The following ADGRB3 variants were observed in gnomAD, a reference collection of about 807,000 sequenced individuals.
ADGRB3 encodes the protein brain-specific angiogenesis inhibitor 3.
In ADGRB3, 37 loss-of-function variants were observed where a neutral mutation model predicts 193.4. The ratio of observed to expected loss-of-function variants is 0.19; its 90% CI spans 0.15 to 0.25. ADGRB3 has a LOEUF of 0.25. Ranked by LOEUF, ADGRB3 falls within the 10% of genes least tolerant of loss-of-function variation. ADGRB3 has a pLI of 1.00. For synonymous variants in ADGRB3, 690 were observed against 644.2 expected (o/e 1.07, Z -1.08); for missense variants, 1,637 against 1,852.9 (o/e 0.88, Z 2.14).
chr6:69,194,183 A>T (rs1561948440), intron 17 of ADGRB3, among the ~76,000 whole-genome samples: 2 of 152,092 alleles, frequency 1.3e-5, no homozygotes, highest in Non-Finnish European at 2.9e-5. Context: ...ATGTCATATG[A>T]TAGATGCTGA....
At chr6:68,774,141 T>C (rs1766692743) in intron 3 of ADGRB3, among the ~76,000 whole-genome samples, 1 of 114,822 alleles carries the variant, frequency 8.7e-6, no homozygotes, top group Non-Finnish European at 1.7e-5. Flanking sequence ...TAAAACTTAG[T>C]ATTTAAAATG....
At position 69,355,861 on chromosome 6, in the gene ADGRB3, G is replaced by T; in HGVS notation, c.3595+1G>T. On this transcript the variant is annotated splice_donor_variant, in intron 28 of 31. Transcript: ENST00000370598. LOFTEE classifies it high-confidence loss of function. Reference sequence around the variant, plus strand: ...GATGTAGACATTGCCTGTCGATCAGGTAAGAATATTTAGATTTTGAAATCT... The same window carrying T: ...GATGTAGACATTGCCTGTCGATCAGTTAAGAATATTTAGATTTTGAAATCT... 1 of 1,601,958 alleles carries T rather than the reference G, an allele frequency of 6.2e-7. No homozygotes were observed. The highest frequency in any genetic ancestry group is 8.5e-7 in the Non-Finnish European group (1 of 1,170,138).
chr6:68,715,109 G>A (rs1013361265), intron 3 of ADGRB3, among the ~76,000 whole-genome samples: 8 of 151,774 alleles, frequency 5.3e-5, no homozygotes, highest in Admixed American at 4.6e-4. Context: ...ATGGCAGAGG[G>A]CAGGTAGTAC....
At chr6:69,032,339 T>C (rs746741981) in intron 13 of ADGRB3, among the ~76,000 whole-genome samples, 41 of 152,240 alleles carry the variant, frequency 2.7e-4, no homozygotes, top group Non-Finnish European at 4.9e-4. Context: ...CTGATTTTTA[T>C]TGGTTTTGTA....
intron 16 of ADGRB3, among the ~76,000 whole-genome samples, chr6:69,063,534 G>C (rs1270418576): frequency 6.6e-6 from 1 of 151,998 alleles, no homozygotes; most frequent in African/African-American, 2.4e-5. Context: ...AAAAATTTAA[G>C]TTGCATGCCA....
intron 17 of ADGRB3, among the ~76,000 whole-genome samples, chr6:69,193,714 A>T (rs540031631): frequency 7.4e-5 from 11 of 148,570 alleles, no homozygotes; most frequent in Non-Finnish European, 9.0e-5. Context: ...TTGAATCTCA[A>T]TTTTTTTTTT....
intron 17 of ADGRB3, among the ~76,000 whole-genome samples, chr6:69,084,235 G>A (rs1424613337): frequency 6.6e-6 from 1 of 152,128 alleles, no homozygotes; most frequent in African/African-American, 2.4e-5. Context: ...TGCTTGAGAA[G>A]AGGTAGATAT....
intron 3 of ADGRB3, among the ~76,000 whole-genome samples, chr6:68,885,805 A>G (rs1436591385): frequency 1.3e-5 from 2 of 152,180 alleles, no homozygotes; most frequent in Admixed American, 6.5e-5. Flanking sequence ...TAAAATTGAC[A>G]TGTTAAACGT....
chr6:68,878,126 A>G (rs1438432329), intron 3 of ADGRB3, among the ~76,000 whole-genome samples: 1 of 151,932 alleles, frequency 6.6e-6, no homozygotes, highest in East Asian at 1.9e-4. Flanking sequence ...ATTTTTCTCT[A>G]TTTGGATTTT....
intron 3 of ADGRB3, among the ~76,000 whole-genome samples, chr6:68,897,903 AAC>A (rs1178245332): frequency 6.7e-6 from 1 of 149,042 alleles, no homozygotes; most frequent in East Asian, 1.9e-4. Context: ...AAAGCAGGAA[AAC>A]ACATTATTAT....
chr6:69,090,526 T>C (rs1772675353), intron 17 of ADGRB3, among the ~76,000 whole-genome samples: 1 of 152,228 alleles, frequency 6.6e-6, no homozygotes. Context: ...CATTTATTCA[T>C]TTATTATTTG....
chr6:69,102,963 T>C (rs990734215), intron 17 of ADGRB3, among the ~76,000 whole-genome samples: 1 of 152,230 alleles, frequency 6.6e-6, no homozygotes, highest in East Asian at 1.9e-4. Context: ...CTTCATTCTT[T>C]TACTGCTCCG....
intron 17 of ADGRB3, among the ~76,000 whole-genome samples, chr6:69,149,309 G>T (rs1489531159): frequency 2.0e-5 from 3 of 151,742 alleles, no homozygotes; most frequent in Non-Finnish European, 4.4e-5. Context: ...TCTGCTTGGT[G>T]AATTTTTCCA....
chr6:69,092,613 T>C (rs556936124), intron 17 of ADGRB3, among the ~76,000 whole-genome samples: 5 of 152,118 alleles, frequency 3.3e-5, no homozygotes, highest in African/African-American at 4.8e-5. Flanking sequence ...GACATACATA[T>C]TAATAAACAC....
intron 3 of ADGRB3, among the ~76,000 whole-genome samples, chr6:68,792,430 A>G (rs1767124554): frequency 6.6e-6 from 1 of 152,186 alleles, no homozygotes; most frequent in South Asian, 2.1e-4. Flanking sequence ...AAATAACAGT[A>G]GGTACTTAGT....
intron 3 of ADGRB3, among the ~76,000 whole-genome samples, chr6:68,802,481 G>A (rs1167376753): frequency 6.6e-6 from 1 of 152,150 alleles, no homozygotes; most frequent in Non-Finnish European, 1.5e-5. Context: ...CCTGCTTAGA[G>A]AATAGGGAAC....
intron 15 of ADGRB3, 38 bp from the exon 16 acceptor site, chr6:69,062,896 A>G (rs777483693): frequency 6.9e-7 from 1 of 1,447,484 alleles, no homozygotes; most frequent in South Asian, 1.2e-5. Flanking sequence ...ACTTTTCAGC[A>G]CTCATTTCTC....
rs180695632 is a variant in ADGRB3 at position 69,144,038 on chromosome 6, T to A, written c.2480+68000T>A. ...ACACAGAATACCTTTCCTTTTTGTG[T>A]GTGTCCTCTTAAATTTCCTTCATCA... On this transcript the variant is annotated intron_variant, in intron 17 of 31. Coordinates refer to ENST00000370598, the MANE Select transcript of ADGRB3 (RefSeq NM_001704.3). Among the ~76,000 whole-genome samples the A allele has an allele frequency of 3.2e-4, 49 of 152,314 alleles. No individual in the cohort carries two copies. In the East Asian group the frequency reaches 8.7e-3, roughly 27 times the overall value.
chr6:68,990,505 C>G (rs1415031), intron 10 of ADGRB3, among the ~76,000 whole-genome samples: 42,517 of 151,912 alleles, frequency 0.28, 6,191 homozygotes, highest in Middle Eastern at 0.43. Flanking sequence ...GACAACAACT[C>G]ATTCTACATA....
Sources: allele counts gnomAD v4.1 joint callset (sites outside exome capture counted in the v4.1 genomes callset), GRCh38; gene constraint gnomAD v4.1.1; transcripts MANE v1.5; gene names NCBI Gene and HGNC (gene_info 2026-07-23, HGNC 2026-07-21).